The following GRIK4 variants were observed in gnomAD, a reference collection of about 807,000 sequenced individuals.
GRIK4 encodes the protein glutamate receptor ionotropic, kainate 4.
A neutral mutation model predicts 104.9 loss-of-function variants in GRIK4; 40 were observed. That is an observed-to-expected ratio of 0.38 (90% confidence interval 0.30 to 0.50). The LOEUF (loss-of-function observed/expected upper bound fraction) is 0.50. GRIK4 is among the 20% of genes least tolerant of loss of function. The pLI is 0.93. For synonymous variants in GRIK4, 485 were observed against 524.9 expected, an observed-to-expected ratio of 0.92 and a Z score of 1.04; for missense variants, 1,047 against 1,308.1, an observed-to-expected ratio of 0.80 and a Z score of 3.08.
intron 4 of GRIK4, among the ~76,000 whole-genome samples, chr11:120,809,551 T>C (rs1264139277): frequency 6.6e-6 from 1 of 152,282 alleles, no homozygotes. Context: ...TCAGTTCCAC[T>C]GGACTCATTT....
chr11:120,538,030 C>A (rs1947996270), intron 1 of GRIK4, among the ~76,000 whole-genome samples: 1 of 152,212 alleles, frequency 6.6e-6, no homozygotes, highest in Non-Finnish European at 1.5e-5. Context: ...AGTTATTTAG[C>A]CTTAATAAAC....
At chr11:120,814,322 G>A (rs1254363076) in intron 4 of GRIK4, among the ~76,000 whole-genome samples, 1 of 152,184 alleles carries the variant, frequency 6.6e-6, no homozygotes, top group African/African-American at 2.4e-5. Context: ...CCCAGTGGTG[G>A]GGTGCGGTGG....
In GRIK4 at chr11:120,819,351, T is replaced by A. The variant is rs1461038477; in HGVS notation, c.346-404T>A. Among the ~76,000 whole-genome samples the A allele has an allele frequency of 1.3e-5, 2 of 152,232 alleles. No individual in the cohort carries two copies. The highest frequency in any genetic ancestry group is 4.8e-5 in the African/African-American group (2 of 41,468). ...TAGCGATTTTTCTCTTTCTGCCGTC[T>A]CTGCTCTGATGTATTAACTACAAAT... On this transcript the variant is annotated intron_variant, in intron 5 of 20. Transcript: ENST00000527524. This position sits in a 1 kb window ranked among gnomAD's most constrained non-coding sequence, Gnocchi z 4.3.
rs112644109 is a variant in GRIK4 at position 120,555,298 on chromosome 11, A to G, written c.-159+43411A>G. 2.6e-5 allele frequency among the ~76,000 whole-genome samples: 4 copies of G among 152,298 alleles called. No homozygotes were observed. The highest frequency in any genetic ancestry group is 5.9e-5 in the Non-Finnish European group (4 of 68,018). On this transcript the variant is annotated intron_variant, in intron 1 of 20. Coordinates refer to ENST00000527524, the MANE Select transcript of GRIK4 (RefSeq NM_014619.5). This position sits in a 1 kb window ranked among gnomAD's most constrained non-coding sequence, Gnocchi z 5.3. The stretch of plus-strand genomic sequence containing the variant: ...TTATGCATTAGGTCTGGGAGCTCTC[A>G]TTACTGGCTGGTGAACCAGAAGCCA...
intron 1 of GRIK4, among the ~76,000 whole-genome samples, chr11:120,628,409 A>AG (rs1467274261): frequency 1.3e-5 from 2 of 152,148 alleles, no homozygotes; most frequent in East Asian, 3.8e-4. Context: ...AGCGGAAACA[A>AG]GGATGTGACT....
At position 120,666,897 on chromosome 11, in the gene GRIK4, G is replaced by T. The variant is rs1185886994; in HGVS notation, c.82+6497G>T. 2.0e-5 allele frequency among the ~76,000 whole-genome samples: 3 copies of T among 152,226 alleles called. No homozygotes were observed. In the East Asian group the frequency reaches 5.8e-4, roughly 29 times the overall value. On this transcript the variant is annotated intron_variant, in intron 3 of 20. Transcript: ENST00000527524. Reference sequence around the variant, plus strand: ...TGAAGTCATTTACAAAACGTCTTGGGATGTGGAGTGAGTCACTAGCAAGCT... The same window carrying T: ...TGAAGTCATTTACAAAACGTCTTGGTATGTGGAGTGAGTCACTAGCAAGCT...
chr11:120,740,350 T>C (rs1269311792), intron 3 of GRIK4, among the ~76,000 whole-genome samples: 3 of 152,158 alleles, frequency 2.0e-5, no homozygotes, highest in Non-Finnish European at 4.4e-5. Flanking sequence ...CCTTTTGCGG[T>C]GGCAGTAGCT....
chr11:120,952,890 AT>A lies in GRIK4; in HGVS notation c.1630del (p.Ser544LeufsTer10). The A allele has an allele frequency of 6.2e-7, 1 of 1,613,258 alleles. No individual in the cohort carries two copies. On this transcript the variant is annotated frameshift_variant, in exon 15 of 21. Coordinates refer to ENST00000527524, the MANE Select transcript of GRIK4 (RefSeq NM_014619.5). LOFTEE classifies it high-confidence loss of function. This position sits in a 1 kb window ranked among gnomAD's most constrained non-coding sequence, Gnocchi z 5.2. ...KPGYFSFLDPFSPGVWLFMLL... is the reference protein window; with the variant it reads ...KPGYFSFLDPXSPGVWLFMLL... ...CCGGCTATTTCTCCTTCCTGGACCC[AT>A]TTTCTCCGGGCGTCTGGCTCTTCAT...
intron 3 of GRIK4, among the ~76,000 whole-genome samples, chr11:120,676,965 G>C (rs1049980841): frequency 8.5e-5 from 13 of 152,172 alleles, no homozygotes; most frequent in Non-Finnish European, 1.6e-4. Context: ...TGCACACTTG[G>C]AAACTGTCCA....
chr11:120,870,104 C>T (rs1428499719), intron 9 of GRIK4: 1 of 152,272 alleles, frequency 6.6e-6, no homozygotes, highest in African/African-American at 2.4e-5. Context: ...AAGCAAGCCC[C>T]TCATTCCAGG....
At position 120,619,331 on chromosome 11, in the gene GRIK4, G is replaced by A. The variant is rs142537227; in HGVS notation, c.-158-34354G>A. Among the ~76,000 whole-genome samples, 1,158 of 152,308 alleles carry A rather than the reference G, an allele frequency of 7.6e-3. 11 individuals are homozygous for A. The highest frequency in any genetic ancestry group is 0.026 in the African/African-American group (1,091 of 41,560). On this transcript the variant is annotated intron_variant, in intron 1 of 20. Coordinates refer to ENST00000527524, the MANE Select transcript of GRIK4 (RefSeq NM_014619.5). ...CCTATACCCCCATTGCATCTTGGAA[G>A]TAACTAACTTGTTTTTGATTTTACA...
At chr11:120,911,008 A>C (rs1355191585) in intron 13 of GRIK4, among the ~76,000 whole-genome samples, 1 of 152,174 alleles carries the variant, frequency 6.6e-6, no homozygotes, top group East Asian at 1.9e-4. Context: ...ATTCCATTTC[A>C]GCAACCACAC....
chr11:120,703,124 C>T (rs1311489989), intron 3 of GRIK4, among the ~76,000 whole-genome samples: 1 of 152,130 alleles, frequency 6.6e-6, no homozygotes, highest in Non-Finnish European at 1.5e-5. Context: ...CTGTGGGCTA[C>T]CTGTGGCTAC....
chr11:120,967,470 G>A lies in GRIK4; in HGVS notation c.2395+147G>A. 1.3e-6 allele frequency: 1 copy of A among 793,652 alleles called. No individual in the cohort carries two copies. The highest frequency in any genetic ancestry group is 3.1e-5 in the Admixed American group (1 of 32,426). The allele number at this position is 793,652 out of a possible 1,614,324, so 49.2% of individuals were successfully genotyped here. A position where few individuals can be genotyped will look rare whatever the true frequency, so the allele number is the denominator to read the frequency against. On this transcript the variant is annotated intron_variant, in intron 19 of 20. Transcript: ENST00000527524. This position sits in a 1 kb window ranked among gnomAD's most constrained non-coding sequence, Gnocchi z 4.2. ...ACCTAGGTATAAAGTGGGCTGGCGGGGGATCAGGTCTGTCCCAGGGTCTTG... is the reference window on the plus strand; with the variant it reads ...ACCTAGGTATAAAGTGGGCTGGCGGAGGATCAGGTCTGTCCCAGGGTCTTG...
intron 1 of GRIK4, among the ~76,000 whole-genome samples, chr11:120,514,154 G>A (rs1272694907): frequency 6.6e-6 from 1 of 152,202 alleles, no homozygotes; most frequent in Non-Finnish European, 1.5e-5. Context: ...CGAGGCGGAA[G>A]CTGGCCTTTG....
intron 6 of GRIK4, among the ~76,000 whole-genome samples, chr11:120,828,771 C>T (rs76219905): frequency 0.051 from 7,795 of 152,242 alleles, 228 homozygotes; most frequent in Middle Eastern, 0.088. Context: ...TCTCAGCACA[C>T]AGAGCATGTT....
intron 1 of GRIK4, among the ~76,000 whole-genome samples, chr11:120,537,771 A>G (rs566188060): frequency 6.6e-6 from 1 of 152,306 alleles, no homozygotes; most frequent in East Asian, 1.9e-4. Context: ...GTAGATGCTC[A>G]GTAATGAATG....
Position 120,702,025 on chromosome 11 carries a change from G to A in GRIK4, c.82+41625G>A, listed in dbSNP as rs543259329. On this transcript the variant is annotated intron_variant, in intron 3 of 20. Coordinates refer to ENST00000527524, the MANE Select transcript of GRIK4 (RefSeq NM_014619.5). Reference sequence around the variant, plus strand: ...GGCTGGAGTGCAGTGGTGCGATACCGGCTCACTGCAATCTCTGCCTCCCAG... The same window carrying A: ...GGCTGGAGTGCAGTGGTGCGATACCAGCTCACTGCAATCTCTGCCTCCCAG... Among the ~76,000 whole-genome samples, 17 of 144,088 alleles carry A rather than the reference G, an allele frequency of 1.2e-4. No individual in the cohort carries two copies. The South Asian group carries it at 2.9e-3, about 25-fold the overall frequency. 94.5% of individuals were successfully genotyped at this position (144,088 alleles called of 152,430 possible). A position where few individuals can be genotyped will look rare whatever the true frequency, so the allele number is the denominator to read the frequency against.
intron 13 of GRIK4, among the ~76,000 whole-genome samples, chr11:120,915,926 C>T (rs1367639682): frequency 6.6e-6 from 1 of 152,212 alleles, no homozygotes; most frequent in Admixed American, 6.5e-5. Context: ...TGGCCAGAGC[C>T]CAGACTCAGA....
Sources: gnomAD v4.1 joint callset for allele counts (sites outside exome capture counted in the v4.1 genomes callset) on GRCh38, gnomAD v4.1.1 for gene constraint, Gnocchi (gnomAD v3.1) non-coding constraint, MANE v1.5 for transcripts, NCBI Gene and HGNC (gene_info 2026-07-23, HGNC 2026-07-21) for gene names.